The following PAK5 variants were observed in gnomAD, a reference collection of about 807,000 sequenced individuals.
PAK5 encodes serine/threonine-protein kinase PAK 5.
Under a neutral mutation model 65.9 loss-of-function variants are expected in PAK5, and 16 were observed. The ratio of observed to expected loss-of-function variants is 0.24; its 90% CI spans 0.16 to 0.37. The LOEUF is 0.37. PAK5 is among the 10% of genes least tolerant of loss of function. The probability of loss-of-function intolerance (pLI) is 1.00; values close to 1 mark genes in which losing one functional copy is unlikely to be tolerated. For missense variants in PAK5, 785 were observed against 903.9 expected (o/e 0.87, Z 1.69); for synonymous variants, 371 against 354.9 (o/e 1.05, Z -0.51).
chr20:9,663,284 C>T (rs187817549), intron 2 of PAK5, among the ~76,000 whole-genome samples: 2 of 152,118 alleles, frequency 1.3e-5, no homozygotes, highest in East Asian at 3.9e-4. Context: ...TGTGACTGGC[C>T]CCTTGTTGGT....
intron 2 of PAK5, among the ~76,000 whole-genome samples, chr20:9,693,475 C>T (rs776811293): frequency 6.6e-6 from 1 of 151,888 alleles, no homozygotes; most frequent in Non-Finnish European, 1.5e-5. Context: ...CTCCCTCTCT[C>T]TCTCTCTCAC....
intron 2 of PAK5, among the ~76,000 whole-genome samples, chr20:9,706,752 C>T (rs1167476147): frequency 7.9e-5 from 12 of 151,922 alleles, no homozygotes; most frequent in Admixed American, 7.9e-4. Flanking sequence ...AAGCAATCCA[C>T]CTGCTTCAGC....
At chr20:9,697,743 C>T (rs965190858) in intron 2 of PAK5, among the ~76,000 whole-genome samples, 1 of 152,060 alleles carries the variant, frequency 6.6e-6, no homozygotes, top group Admixed American at 6.6e-5. Flanking sequence ...ACATATTAGG[C>T]ATAATTATGA....
rs2297347 is a variant in PAK5 at position 9,563,041 on chromosome 20, T to G, written c.1483-17A>C. The G allele has an allele frequency of 0.24, 380,380 of 1,598,138 alleles. 58,146 individuals are homozygous for G. The highest frequency in any genetic ancestry group is 0.76 in the African/African-American group (56,267 of 74,134). On this transcript the variant is annotated splice_polypyrimidine_tract_variant and intron_variant, in intron 5 of 9. Transcript: ENST00000353224. ...GATCACGACCTGGGGAAACGGGAAA[T>G]ATACTTTTGACTTGTGAAGATGAAG...
At chr20:9,726,209 A>C (rs1013265206) in intron 1 of PAK5, among the ~76,000 whole-genome samples, 1 of 152,138 alleles carries the variant, frequency 6.6e-6, no homozygotes, top group Non-Finnish European at 1.5e-5. Context: ...TTCTAAACAA[A>C]TTCTCACCTA....
intron 3 of PAK5, among the ~76,000 whole-genome samples, chr20:9,631,896 AC>A (rs2046926919): frequency 6.6e-6 from 1 of 152,224 alleles, no homozygotes; most frequent in African/African-American, 2.4e-5. Context: ...TATAAAGTTG[AC>A]AGCATAATGC....
chr20:9,593,390 A>G (rs1367613502), intron 3 of PAK5, among the ~76,000 whole-genome samples: 3 of 152,096 alleles, frequency 2.0e-5, no homozygotes, highest in African/African-American at 4.8e-5. Context: ...ATGCATCTCT[A>G]TGTACTAACT....
chr20:9,577,481 A>C (rs1235263874), intron 4 of PAK5: 1 of 151,870 alleles, frequency 6.6e-6, no homozygotes, highest in East Asian at 1.9e-4. Context: ...GCTTCCTTTT[A>C]TTACTGGAGA....
intron 3 of PAK5, among the ~76,000 whole-genome samples, chr20:9,637,811 T>C (rs147125924): frequency 2.2e-4 from 33 of 152,220 alleles, no homozygotes; most frequent in African/African-American, 7.9e-4. Context: ...TAAAAAGAAA[T>C]ATGAAGCAAA....
At chr20:9,564,644 TA>T (rs879581683) in intron 5 of PAK5, among the ~76,000 whole-genome samples, 4 of 152,190 alleles carry the variant, frequency 2.6e-5, no homozygotes, top group Non-Finnish European at 4.4e-5. Context: ...ATCATTTATC[TA>T]AAAAAAGTAC....
intron 1 of PAK5, among the ~76,000 whole-genome samples, chr20:9,777,951 G>A (rs1678301039): frequency 6.6e-6 from 1 of 152,176 alleles, no homozygotes; most frequent in Admixed American, 6.5e-5. Flanking sequence ...AAGCACTTGG[G>A]TGGGTTTACG....
At chr20:9,732,649 T>TC (rs33994018) in intron 1 of PAK5, among the ~76,000 whole-genome samples, 101,582 of 151,290 alleles carry the variant, frequency 0.67, 34,380 homozygotes, top group South Asian at 0.84. Context: ...CCCACACACT[T>TC]CCCTTTCCTA....
intron 1 of PAK5, among the ~76,000 whole-genome samples, chr20:9,817,107 T>G (rs983627417): frequency 1.3e-5 from 2 of 152,006 alleles, no homozygotes; most frequent in African/African-American, 4.8e-5. Context: ...CATAGTGAGA[T>G]CCTGTCTCTA....
intron 2 of PAK5, among the ~76,000 whole-genome samples, chr20:9,665,085 G>GTTTTTTCTTTTTTTTTTTTT (rs2047397385): frequency 1.0e-5 from 1 of 98,920 alleles, no homozygotes; most frequent in South Asian, 4.3e-4. Flanking sequence ...AAATTTTTCT[G>GTTTTTTCTTTTTTTTTTTTT]TTTTTTTTTT....
At chr20:9,605,675 TC>T (rs1268955755) in intron 3 of PAK5, among the ~76,000 whole-genome samples, 1 of 152,140 alleles carries the variant, frequency 6.6e-6, no homozygotes, top group Non-Finnish European at 1.5e-5. Flanking sequence ...ATGCCTTTAA[TC>T]CCAACACTTT....
chr20:9,610,959 G>C (rs540932803), intron 3 of PAK5, among the ~76,000 whole-genome samples: 1 of 152,186 alleles, frequency 6.6e-6, no homozygotes, highest in Non-Finnish European at 1.5e-5. Context: ...TTGTCCTTCA[G>C]TGCTCATTCA....
In PAK5 at chr20:9,794,555, TAGAG is replaced by T. The variant is rs1340385532; in HGVS notation, c.-162+44203_-162+44206del. ...AAGCAGATGAGTTAGAACATTTAGT[TAGAG>T]AGCAAGACATATGCACTGTGATGTT... On this transcript the variant is annotated intron_variant, in intron 1 of 9. Coordinates refer to ENST00000353224, the MANE Select transcript of PAK5 (RefSeq NM_177990.4). Among the ~76,000 whole-genome samples, 8 of 152,112 alleles carry T rather than the reference TAGAG, an allele frequency of 5.3e-5. No individual in the cohort carries two copies. The East Asian group carries it at 1.6e-3, about 30-fold the overall frequency.
At chr20:9,706,927 T>C (rs950535496) in intron 2 of PAK5, among the ~76,000 whole-genome samples, 18 of 152,172 alleles carry the variant, frequency 1.2e-4, no homozygotes, top group African/African-American at 3.9e-4. Context: ...CCCATTTGTC[T>C]GTCACTTTTT....
intron 3 of PAK5, among the ~76,000 whole-genome samples, chr20:9,598,113 C>A (rs544744931): frequency 6.6e-6 from 1 of 152,184 alleles, no homozygotes; most frequent in Non-Finnish European, 1.5e-5. Flanking sequence ...TTTCCCTCCC[C>A]CCATGACAGG....
Sources: gnomAD v4.1 joint callset for allele counts (sites outside exome capture counted in the v4.1 genomes callset) on GRCh38, gnomAD v4.1.1 for gene constraint, MANE v1.5 for transcripts, NCBI Gene and HGNC (gene_info 2026-07-23, HGNC 2026-07-21) for gene names.